The following DMD variants were observed in gnomAD, a reference collection of about 807,000 sequenced individuals.
DMD encodes dystrophin, also known as mutant dystrophin.
DMD carries 63 observed loss-of-function variants against 330.1 expected under a neutral mutation model. The observed-to-expected ratio is 0.19, with a 90% CI of 0.16 to 0.24. The LOEUF is 0.24. Among genes scored for constraint, DMD ranks in the 10% least tolerant of loss-of-function variants. The pLI, the probability that DMD is intolerant of heterozygous loss-of-function variation, is 1.00. For synonymous variants in DMD, 1,223 were observed against 959.8 expected, an observed-to-expected ratio of 1.27 and a Z score of -5.07; for missense variants, 3,344 against 2,684.1, an observed-to-expected ratio of 1.25 and a Z score of -5.43.
At position 32,221,272 on chromosome X, in the gene DMD, C is replaced by T. The variant is rs774556444; in HGVS notation, c.6291-4209G>A. Among the ~76,000 whole-genome samples, 227 of 110,775 alleles carry T rather than the reference C, an allele frequency of 2.0e-3. 1 individual carries two copies. Among genetic ancestry groups the T allele is most frequent in the African/African-American group, 7.2e-3 (218 of 30,464 alleles). On this transcript the variant is annotated intron_variant, in intron 43 of 78. Coordinates refer to ENST00000357033, the MANE Select transcript of DMD (RefSeq NM_004006.3). Reference sequence around the variant, plus strand: ...GCATTGGACTGCTGATTATTTCATCCCATCCCACATATTTCATCTTTGATT... The same window carrying T: ...GCATTGGACTGCTGATTATTTCATCTCATCCCACATATTTCATCTTTGATT...
At chrX:31,510,526 G>GA (rs2071395544) in intron 55 of DMD, among the ~76,000 whole-genome samples, 1 of 28,466 alleles carries the variant, frequency 3.5e-5, no homozygotes, top group Admixed American at 5.3e-4. Context: ...TTTTTTTTTT[G>GA]AGACAGAGTC....
intron 52 of DMD, among the ~76,000 whole-genome samples, chrX:31,706,907 C>T (rs997752611): frequency 8.9e-6 from 1 of 111,840 alleles, no homozygotes; most frequent in Non-Finnish European, 1.9e-5. Context: ...TATTTTTGTA[C>T]ACACAGATAA....
At chrX:31,348,293 T>C in intron 61 of DMD, 1 of 372,595 alleles carries the variant, frequency 2.7e-6, no homozygotes, top group Non-Finnish European at 4.7e-6. Context: ...GACTCAAAAA[T>C]ATTAATATGG....
intron 7 of DMD, among the ~76,000 whole-genome samples, chrX:32,756,958 C>A (rs924900375): frequency 9.0e-6 from 1 of 111,721 alleles, no homozygotes; most frequent in Admixed American, 9.5e-5. Context: ...ACATGAAATT[C>A]TCTTCAAGAC....
chrX:33,029,378 T>C (rs5972737), intron 1 of DMD, among the ~76,000 whole-genome samples: 27,097 of 111,545 alleles, frequency 0.24, 2,666 homozygotes, highest in Non-Finnish European at 0.31. Context: ...TGTAATATGA[T>C]ATAATTGCCC....
Position 31,121,462 on chromosome X carries a change from GTTT to G in DMD, c.*454_*456del, listed in dbSNP as rs1268254616. 2 of 164,353 alleles carry G rather than the reference GTTT, an allele frequency of 1.2e-5. No homozygotes were observed. Among genetic ancestry groups the G allele is most frequent in the Admixed American group, 1.5e-4 (2 of 13,060 alleles). The allele number at this position is 164,353 out of a possible 1,213,427, so 13.5% of individuals were successfully genotyped here. ...TGTGTATGTGTGTGTGTGTGTGTTT[GTTT>G]TGTTTTTAGGGGTTTTTATAAACAA... is the stretch of plus-strand genomic sequence containing the variant. On this transcript the variant is annotated 3_prime_UTR_variant, in exon 79 of 79. Transcript: ENST00000357033.
At chrX:32,252,711 TATAA>T (rs1230569522) in intron 43 of DMD, among the ~76,000 whole-genome samples, 7 of 47,918 alleles carry the variant, frequency 1.5e-4, no homozygotes, top group African/African-American at 1.7e-4. Flanking sequence ...TATATAAATA[TATAA>T]ATATATATAA....
chrX:32,027,739 G>C (rs1327718260), intron 44 of DMD, among the ~76,000 whole-genome samples: 2 of 112,011 alleles, frequency 1.8e-5, no homozygotes, highest in Non-Finnish European at 3.8e-5. Context: ...GGAATAATGC[G>C]AGTGCTGTCA....
chrX:31,735,934 CA>C (rs944221698), intron 51 of DMD, among the ~76,000 whole-genome samples: 1 of 111,756 alleles, frequency 8.9e-6, no homozygotes, highest in Non-Finnish European at 1.9e-5. Flanking sequence ...GTTAGTTACA[CA>C]AGGATCTGCA....
intron 44 of DMD, among the ~76,000 whole-genome samples, chrX:32,118,379 G>A: frequency 9.0e-6 from 1 of 111,392 alleles, no homozygotes; most frequent in East Asian, 2.9e-4. Flanking sequence ...GGGAATAGCA[G>A]CCTACAGAGT....
intron 44 of DMD, among the ~76,000 whole-genome samples, chrX:32,065,794 C>T (rs912354446): frequency 4.5e-5 from 5 of 111,511 alleles, no homozygotes; most frequent in African/African-American, 1.3e-4. Context: ...TGTCTGTGGA[C>T]GTTAAATATT....
At chrX:32,516,152 A>C (rs2045839510) in intron 18 of DMD, among the ~76,000 whole-genome samples, 2 of 111,739 alleles carry the variant, frequency 1.8e-5, no homozygotes, top group Non-Finnish European at 3.8e-5. Flanking sequence ...CCATGAGTTT[A>C]AAATAACCTA....
rs1042181978 is a variant in DMD, at chrX:32,729,697, T to G, written c.650-30404A>C. Among the ~76,000 whole-genome samples, 8 of 112,051 alleles carry G rather than the reference T, an allele frequency of 7.1e-5. 1 individual carries two copies. In the South Asian group the frequency reaches 3.0e-3, roughly 41 times the overall value. On this transcript the variant is annotated intron_variant, in intron 7 of 78. Coordinates refer to ENST00000357033, the MANE Select transcript of DMD (RefSeq NM_004006.3). ...GATGAAGAAGTGTATATTTGTATAC[T>G]TATGTCTCTTAAGGAGCTTTTTATA...
chrX:31,828,999 T>G (rs2092956914), intron 49 of DMD, among the ~76,000 whole-genome samples: 1 of 111,710 alleles, frequency 9.0e-6, no homozygotes, highest in South Asian at 3.7e-4. Flanking sequence ...CATCGACCAA[T>G]GAATGGATAA....
At position 32,033,603 on chromosome X, in the gene DMD, CAGAAAGAA is replaced by C. The variant is rs753337646; in HGVS notation, c.6439-65097_6439-65090del. On this transcript the variant is annotated intron_variant, in intron 44 of 78. Coordinates refer to ENST00000357033, the MANE Select transcript of DMD (RefSeq NM_004006.3). Reference sequence around the variant, plus strand: ...TAAAAAAACAAGACAGACAGACAGACAGAAAGAAAGAAAGAAAGAAAGAAAGAAAGAAA... The same window carrying C: ...TAAAAAAACAAGACAGACAGACAGACAGAAAGAAAGAAAGAAAGAAAGAAA... 1.9e-3 allele frequency among the ~76,000 whole-genome samples: 112 copies of C among 59,873 alleles called. 1 individual carries two copies. Among genetic ancestry groups the C allele is most frequent in the Admixed American group, 4.8e-3 (24 of 5,036 alleles). The allele number at this position is 59,873 out of a possible 115,157, so 52.0% of individuals were successfully genotyped here.
rs140902956 is a variant in DMD at position 33,287,788 on chromosome X, G to A, written c.7+51471C>T. On this transcript the variant is annotated intron_variant, in intron 1 of 17. Coordinates refer to the DMD transcript ENST00000288447. The stretch of plus-strand genomic sequence containing the variant: ...TTAGTTGTTAATTTAAGTAATGGAT[G>A]CTTCTGAGTTAGGAATATTAGCTCA... Among the ~76,000 whole-genome samples the A allele has an allele frequency of 2.7e-4, 30 of 111,593 alleles. No homozygotes were observed. The East Asian group carries it at 8.2e-3, about 31-fold the overall frequency.
intron 2 of DMD, among the ~76,000 whole-genome samples, chrX:32,910,344 A>G (rs184524817): frequency 4.9e-4 from 55 of 111,954 alleles, no homozygotes; most frequent in African/African-American, 1.8e-3. Context: ...TTGATGATTT[A>G]GGGTTAGAAT....
intron 1 of DMD, among the ~76,000 whole-genome samples, chrX:33,094,589 C>G (rs1251124190): frequency 9.0e-6 from 1 of 111,140 alleles, no homozygotes; most frequent in Non-Finnish European, 1.9e-5. Flanking sequence ...GGTGGATCAC[C>G]TGAGGTCAGG....
chrX:32,360,408 G>C (rs192493045), intron 37 of DMD, among the ~76,000 whole-genome samples: 1 of 111,643 alleles, frequency 9.0e-6, no homozygotes, highest in African/African-American at 3.2e-5. Context: ...TGGGGTCATT[G>C]TTACACTCAG....
Sources: allele counts gnomAD v4.1 joint callset (sites outside exome capture counted in the v4.1 genomes callset), GRCh38; gene constraint gnomAD v4.1.1; transcripts MANE v1.5; gene names NCBI Gene and HGNC (gene_info 2026-07-23, HGNC 2026-07-21).